ST6GALNAC3: variants seen among roughly 807,000 people sequenced by gnomAD.
ST6GALNAC3 encodes the protein ST6 N-acetylgalactosaminide alpha-2,6-sialyltransferase 3, also known as alpha-N-acetylgalactosaminide alpha-2,6-sialyltransferase 3.
In ST6GALNAC3, 25 loss-of-function variants were observed where a neutral mutation model predicts 32.7. That is an observed-to-expected ratio of 0.76 (90% CI 0.56 to 1.07). ST6GALNAC3 has a LOEUF of 1.07. Among genes scored for constraint, ST6GALNAC3 ranks in the 50% least tolerant of loss-of-function variants. The pLI, the probability that ST6GALNAC3 is intolerant of heterozygous loss-of-function variation, is 0.00. For synonymous variants in ST6GALNAC3, 129 were observed against 133.1 expected, an observed-to-expected ratio of 0.97 and a Z score of 0.21; for missense variants, 355 against 382.4, an observed-to-expected ratio of 0.93 and a Z score of 0.60.
intron 2 of ST6GALNAC3, among the ~76,000 whole-genome samples, chr1:76,322,472 T>C (rs1018829037): frequency 1.3e-5 from 2 of 152,184 alleles, no homozygotes; most frequent in Non-Finnish European, 2.9e-5. Context: ...GGTGTTTGCA[T>C]TGCAGCCTGT....
At chr1:76,096,165 T>C (rs998995161) in intron 1 of ST6GALNAC3, among the ~76,000 whole-genome samples, 2 of 152,150 alleles carry the variant, frequency 1.3e-5, no homozygotes, top group African/African-American at 2.4e-5. Flanking sequence ...TGCGGGGAGA[T>C]GGAAAGAAAC....
At chr1:76,267,466 CT>C (rs1310454208) in intron 1 of ST6GALNAC3, among the ~76,000 whole-genome samples, 2 of 152,186 alleles carry the variant, frequency 1.3e-5, no homozygotes, top group African/African-American at 4.8e-5. Flanking sequence ...AACAGAGCAT[CT>C]GCAACCACTC....
At chr1:76,198,773 C>T (rs1654356919) in intron 1 of ST6GALNAC3, among the ~76,000 whole-genome samples, 1 of 152,082 alleles carries the variant, frequency 6.6e-6, no homozygotes, top group South Asian at 2.1e-4. Context: ...ATTTGAGGTG[C>T]CTTGTGACAG....
chr1:76,382,028 C>A (rs959410729), intron 2 of ST6GALNAC3, among the ~76,000 whole-genome samples: 7 of 152,110 alleles, frequency 4.6e-5, no homozygotes, highest in African/African-American at 1.7e-4. Context: ...CAAGAAGGAT[C>A]TTTATAAACA....
intron 3 of ST6GALNAC3, among the ~76,000 whole-genome samples, chr1:76,547,760 A>G (rs1034173283): frequency 1.9e-4 from 29 of 151,682 alleles, no homozygotes; most frequent in Non-Finnish European, 3.8e-4. Context: ...AGGCTGAGGC[A>G]GGAGAATCAC....
At chr1:76,184,395 C>T (rs1242968023) in intron 1 of ST6GALNAC3, among the ~76,000 whole-genome samples, 2 of 151,982 alleles carry the variant, frequency 1.3e-5, no homozygotes, top group South Asian at 2.1e-4. Context: ...AAAAATTAGC[C>T]GGGTGTGGTG....
intron 3 of ST6GALNAC3, among the ~76,000 whole-genome samples, chr1:76,593,869 T>G (rs534951634): frequency 6.6e-6 from 1 of 152,190 alleles, no homozygotes; most frequent in South Asian, 2.1e-4. Context: ...GTGGCGATCA[T>G]AGGAACAGGG....
chr1:76,363,145 A>G (rs973210760), intron 2 of ST6GALNAC3, among the ~76,000 whole-genome samples: 1 of 152,194 alleles, frequency 6.6e-6, no homozygotes, highest in African/African-American at 2.4e-5. Context: ...TTCCCTTTTA[A>G]ATATAAGTTC....
At chr1:76,118,011 G>A (rs1352544372) in intron 1 of ST6GALNAC3, among the ~76,000 whole-genome samples, 1 of 152,114 alleles carries the variant, frequency 6.6e-6, no homozygotes, top group Non-Finnish European at 1.5e-5. Flanking sequence ...TGGGATACAT[G>A]TGCAGAATGT....
At chr1:76,205,949 C>A (rs1436366132) in intron 1 of ST6GALNAC3, among the ~76,000 whole-genome samples, 1 of 152,190 alleles carries the variant, frequency 6.6e-6, no homozygotes, top group Non-Finnish European at 1.5e-5. Flanking sequence ...ACTGTTATAT[C>A]CTCCCAATTT....
At chr1:76,111,045 CCTA>C (rs1233474583) in intron 1 of ST6GALNAC3, among the ~76,000 whole-genome samples, 6 of 152,040 alleles carry the variant, frequency 3.9e-5, no homozygotes, top group Non-Finnish European at 8.8e-5. Context: ...TGCTGTGTGT[CCTA>C]AAAGCCTTAG....
chr1:76,331,630 C>T (rs1647188188), intron 2 of ST6GALNAC3, among the ~76,000 whole-genome samples: 2 of 152,182 alleles, frequency 1.3e-5, no homozygotes, highest in South Asian at 2.1e-4. Flanking sequence ...TTCTCATTCT[C>T]GTAATGGTCC....
At chr1:76,220,278 A>G (rs577858074) in intron 1 of ST6GALNAC3, among the ~76,000 whole-genome samples, 33 of 152,310 alleles carry the variant, frequency 2.2e-4, no homozygotes, top group Admixed American at 5.9e-4. Context: ...TGTATTTTTT[A>G]GGAGACATCA....
At chr1:76,568,446 C>CTT (rs1213347776) in intron 3 of ST6GALNAC3, among the ~76,000 whole-genome samples, 1 of 152,170 alleles carries the variant, frequency 6.6e-6, no homozygotes, top group Non-Finnish European at 1.5e-5. Context: ...CATGTATGCA[C>CTT]TTTGTTCCTG....
At chr1:76,572,585 A>G (rs1646721354) in intron 3 of ST6GALNAC3, among the ~76,000 whole-genome samples, 1 of 152,130 alleles carries the variant, frequency 6.6e-6, no homozygotes. Flanking sequence ...AGATGCACAC[A>G]GTTAGCTACT....
At chr1:76,542,915 C>A (rs537289072) in intron 3 of ST6GALNAC3, among the ~76,000 whole-genome samples, 23 of 152,116 alleles carry the variant, frequency 1.5e-4, no homozygotes, top group African/African-American at 5.3e-4. Context: ...ACTGTTTGTG[C>A]CTTGTTTTTG....
intron 1 of ST6GALNAC3, among the ~76,000 whole-genome samples, chr1:76,313,018 T>C (rs534610484): frequency 2.6e-5 from 4 of 152,310 alleles, no homozygotes; most frequent in East Asian, 1.9e-4. Context: ...GCAGTATGTT[T>C]AGAGGAATGT....
At chr1:76,312,281 G>T (rs1386302420) in intron 1 of ST6GALNAC3, among the ~76,000 whole-genome samples, 1 of 152,064 alleles carries the variant, frequency 6.6e-6, no homozygotes. Flanking sequence ...AATTAAGATG[G>T]ATTAAAGACT....
chr1:76,144,710 A>G (rs913393926), intron 1 of ST6GALNAC3, among the ~76,000 whole-genome samples: 6 of 152,224 alleles, frequency 3.9e-5, no homozygotes, highest in Non-Finnish European at 8.8e-5. Context: ...TGTGAAGCAA[A>G]CTAGTCTATA....
Sources: gnomAD v4.1 joint callset for allele counts (sites outside exome capture counted in the v4.1 genomes callset) on GRCh38, gnomAD v4.1.1 for gene constraint, MANE v1.5 for transcripts, NCBI Gene and HGNC (gene_info 2026-07-23, HGNC 2026-07-21) for gene names.